GRIK2: variants seen among roughly 807,000 people sequenced by gnomAD.
The protein encoded by GRIK2 is glutamate ionotropic receptor kainate type subunit 2.
A neutral mutation model predicts 100.3 loss-of-function variants in GRIK2; 32 were observed. That is an observed-to-expected ratio of 0.32 (90% CI 0.24 to 0.43). GRIK2 has a LOEUF of 0.43. Among genes scored for constraint, GRIK2 ranks in the 20% least tolerant of loss-of-function variants. The pLI, the probability that GRIK2 is intolerant of heterozygous loss-of-function variation, is 1.00. For missense variants in GRIK2, 843 were observed against 1,114.9 expected, an observed-to-expected ratio of 0.76 and a Z score of 3.47; for synonymous variants, 417 against 389.4, an observed-to-expected ratio of 1.07 and a Z score of -0.83.
chr6:102,063,172 T>C (rs1054895905), intron 16 of GRIK2, among the ~76,000 whole-genome samples: 1 of 150,748 alleles, frequency 6.6e-6, no homozygotes, highest in African/African-American at 2.4e-5. Context: ...ATACCATTGA[T>C]AGGAGTAGCT....
intron 16 of GRIK2, among the ~76,000 whole-genome samples, chr6:102,064,740 C>T (rs950307085): frequency 6.6e-6 from 1 of 151,034 alleles, no homozygotes; most frequent in Non-Finnish European, 1.5e-5. Flanking sequence ...ATAGTTTCAG[C>T]TTTAGAGACT....
intron 14 of GRIK2, among the ~76,000 whole-genome samples, chr6:101,961,251 G>A (rs754155607): frequency 4.6e-5 from 7 of 152,020 alleles, no homozygotes; most frequent in African/African-American, 7.2e-5. Context: ...AATGACCTCG[G>A]GAGAAACCTC....
At chr6:101,997,429 A>C (rs1794709110) in intron 14 of GRIK2, among the ~76,000 whole-genome samples, 1 of 152,022 alleles carries the variant, frequency 6.6e-6, no homozygotes, top group Non-Finnish European at 1.5e-5. Context: ...GGTATTTTTA[A>C]ATTTTAAATG....
At chr6:101,712,880 T>C (rs919746773) in intron 7 of GRIK2, among the ~76,000 whole-genome samples, 4 of 151,832 alleles carry the variant, frequency 2.6e-5, no homozygotes, top group Admixed American at 6.6e-5. Flanking sequence ...TAATCATGAC[T>C]CTTCTTCCTC....
chr6:102,065,344 A>G (rs1771965047), intron 16 of GRIK2, among the ~76,000 whole-genome samples: 1 of 151,296 alleles, frequency 6.6e-6, no homozygotes, highest in African/African-American at 2.4e-5. Flanking sequence ...CAGCAATATA[A>G]ACTTAATATT....
chr6:101,925,742 G>A (rs527713295), intron 13 of GRIK2, among the ~76,000 whole-genome samples: 61 of 151,978 alleles, frequency 4.0e-4, no homozygotes, highest in Non-Finnish European at 5.6e-4. Context: ...CCACTTTGAA[G>A]AAATTCATTT....
intron 7 of GRIK2, among the ~76,000 whole-genome samples, chr6:101,716,958 T>C (rs1174720738): frequency 6.6e-6 from 1 of 151,872 alleles, no homozygotes; most frequent in Non-Finnish European, 1.5e-5. Flanking sequence ...TTTCCCCTTT[T>C]CTATCAGCCT....
intron 15 of GRIK2, among the ~76,000 whole-genome samples, chr6:102,037,931 G>GA (rs1770358326): frequency 6.6e-6 from 1 of 151,128 alleles, no homozygotes; most frequent in Non-Finnish European, 1.5e-5. Flanking sequence ...TTTTTCCTAG[G>GA]AAAAATCATA....
At chr6:101,777,483 A>T (rs1030491608) in intron 7 of GRIK2, among the ~76,000 whole-genome samples, 11 of 152,150 alleles carry the variant, frequency 7.2e-5, no homozygotes, top group Non-Finnish European at 1.5e-4. Flanking sequence ...TAACATTTGT[A>T]TTTTTTTTCC....
chr6:101,546,104 G>A (rs9498615), intron 2 of GRIK2, among the ~76,000 whole-genome samples: 32 of 152,038 alleles, frequency 2.1e-4, no homozygotes, highest in African/African-American at 3.6e-4. Flanking sequence ...TTTAGATTTC[G>A]ACTCAAAAGT....
intron 5 of GRIK2, 34 bp from the exon 6 acceptor site, chr6:101,682,519 A>T: frequency 1.1e-6 from 1 of 924,646 alleles, no homozygotes; most frequent in Non-Finnish European, 1.8e-6. Flanking sequence ...CTTTCCTGAA[A>T]TATGTACCTT....
intron 4 of GRIK2, among the ~76,000 whole-genome samples, chr6:101,635,444 G>A (rs1438157246): frequency 2.0e-5 from 3 of 151,992 alleles, no homozygotes; most frequent in East Asian, 1.9e-4. Context: ...CATAGGCATG[G>A]GCAAAGATTT....
Position 101,599,656 on chromosome 6 carries a change from T to C in GRIK2, c.116-22293T>C, listed in dbSNP as rs191634888. Among the ~76,000 whole-genome samples the C allele has an allele frequency of 2.0e-5, 3 of 151,886 alleles. No individual in the cohort carries two copies. The East Asian group carries it at 5.8e-4, about 30-fold the overall frequency. On this transcript the variant is annotated intron_variant, in intron 2 of 16. Transcript: ENST00000369134. ...GTTTTGATTTGTATTTCTCTAATGA[T>C]CAGTGATATTGAGCTTTTTTTCATA...
At chr6:101,848,731 A>G (rs944058239) in intron 10 of GRIK2, among the ~76,000 whole-genome samples, 1 of 152,102 alleles carries the variant, frequency 6.6e-6, no homozygotes, top group Non-Finnish European at 1.5e-5. Flanking sequence ...AATCAAACAC[A>G]TATATTACTA....
intron 2 of GRIK2, among the ~76,000 whole-genome samples, chr6:101,618,308 G>A (rs1024547654): frequency 1.1e-4 from 16 of 151,232 alleles, no homozygotes; most frequent in African/African-American, 3.9e-4. Context: ...TATGGATTCT[G>A]TGTTCTACTT....
At chr6:101,677,148 C>T (rs1770901213) in intron 5 of GRIK2, among the ~76,000 whole-genome samples, 1 of 152,072 alleles carries the variant, frequency 6.6e-6, no homozygotes, top group Non-Finnish European at 1.5e-5. Flanking sequence ...TCACTCATTA[C>T]AATCAGCCAG....
intron 16 of GRIK2, among the ~76,000 whole-genome samples, chr6:102,061,417 C>T (rs1252444760): frequency 1.3e-5 from 2 of 150,416 alleles, no homozygotes; most frequent in East Asian, 3.9e-4. Context: ...CCTAGTCTAA[C>T]AGTGTTTCAA....
chr6:101,688,183 T>C (rs1389791509), intron 7 of GRIK2, among the ~76,000 whole-genome samples: 1 of 150,352 alleles, frequency 6.7e-6, no homozygotes, highest in African/African-American at 2.4e-5. Context: ...ATGAATGTCT[T>C]ATTATTTATT....
intron 14 of GRIK2, among the ~76,000 whole-genome samples, chr6:101,943,394 C>T (rs1791076129): frequency 6.6e-6 from 1 of 152,098 alleles, no homozygotes; most frequent in Non-Finnish European, 1.5e-5. Flanking sequence ...GGGGCACTGC[C>T]TAATGGAAAT....
Sources: allele counts gnomAD v4.1 joint callset (sites outside exome capture counted in the v4.1 genomes callset), GRCh38; gene constraint gnomAD v4.1.1; transcripts MANE v1.5; gene names NCBI Gene and HGNC (gene_info 2026-07-23, HGNC 2026-07-21).